The following THSD7B variants were observed in gnomAD, a reference collection of about 807,000 sequenced individuals.
The protein encoded by THSD7B is thrombospondin type-1 domain-containing protein 7B.
THSD7B carries 138 observed loss-of-function variants against 213.6 expected under a neutral mutation model. That is an observed-to-expected ratio of 0.65 (90% CI 0.56 to 0.74). The LOEUF (loss-of-function observed/expected upper bound fraction) is 0.74. Among genes scored for constraint, THSD7B ranks in the 30% least tolerant of loss-of-function variants. The pLI, the probability that THSD7B is intolerant of heterozygous loss-of-function variation, is 0.00. For synonymous variants in THSD7B, 742 were observed against 687.0 expected, an observed-to-expected ratio of 1.08 and a Z score of -1.25; for missense variants, 1,931 against 1,991.5, an observed-to-expected ratio of 0.97 and a Z score of 0.58.
chr2:137,157,742 A>G (rs1679937868), intron 5 of THSD7B, among the ~76,000 whole-genome samples: 1 of 152,190 alleles, frequency 6.6e-6, no homozygotes, highest in Non-Finnish European at 1.5e-5. Context: ...CAGTTTCCTT[A>G]TTTTAAAACT....
At chr2:137,565,073 CAG>C (rs1681207432) in intron 16 of THSD7B, among the ~76,000 whole-genome samples, 1 of 152,006 alleles carries the variant, frequency 6.6e-6, no homozygotes, top group African/African-American at 2.4e-5. Flanking sequence ...CATGTGAAGA[CAG>C]GGAGAAGATG....
intron 7 of THSD7B, among the ~76,000 whole-genome samples, chr2:137,211,862 A>G (rs897262884): frequency 7.9e-5 from 12 of 152,094 alleles, no homozygotes; most frequent in Non-Finnish European, 1.5e-4. Flanking sequence ...TAAGAATGCA[A>G]ATTAGCCTTT....
At chr2:137,026,908 T>C (rs918547194) in intron 2 of THSD7B, among the ~76,000 whole-genome samples, 1 of 152,202 alleles carries the variant, frequency 6.6e-6, no homozygotes, top group African/African-American at 2.4e-5. Context: ...CAGTTTTTCA[T>C]AATACATTGG....
chr2:137,108,966 T>G (rs189183993), intron 4 of THSD7B, among the ~76,000 whole-genome samples: 62 of 152,332 alleles, frequency 4.1e-4, no homozygotes, highest in Middle Eastern at 3.4e-3. Context: ...CAGGAAATTT[T>G]GCTGCTAATA....
At chr2:137,665,849 A>G (rs76262975) in intron 26 of THSD7B, among the ~76,000 whole-genome samples, 3,847 of 152,252 alleles carry the variant, frequency 0.025, 141 homozygotes, top group African/African-American at 0.086. Context: ...CTAATATGAA[A>G]ATATTTCCAA....
intron 12 of THSD7B, among the ~76,000 whole-genome samples, chr2:137,337,694 T>C (rs1684671347): frequency 6.6e-6 from 1 of 152,124 alleles, no homozygotes; most frequent in Admixed American, 6.5e-5. Context: ...CAAATAGTGA[T>C]TATCTAGTTT....
chr2:137,428,971 G>A (rs1347928519), intron 14 of THSD7B, among the ~76,000 whole-genome samples: 1 of 152,146 alleles, frequency 6.6e-6, no homozygotes, highest in African/African-American at 2.4e-5. Flanking sequence ...AAAAGTTACT[G>A]TATGAAGGAA....
chr2:137,290,414 G>A (rs11692465), intron 12 of THSD7B, among the ~76,000 whole-genome samples: 69,102 of 151,868 alleles, frequency 0.46, 15,806 homozygotes, highest in South Asian at 0.57. Context: ...CTGAGAGTCC[G>A]TAACTCTACT....
intron 7 of THSD7B, among the ~76,000 whole-genome samples, chr2:137,230,112 T>C (rs1259362911): frequency 1.3e-5 from 2 of 152,226 alleles, no homozygotes; most frequent in African/African-American, 2.4e-5. Flanking sequence ...GTTGAGTTAT[T>C]ATCTATAAAA....
intron 2 of THSD7B, among the ~76,000 whole-genome samples, chr2:136,991,115 A>G (rs1446453205): frequency 6.6e-6 from 1 of 152,210 alleles, no homozygotes; most frequent in Non-Finnish European, 1.5e-5. Flanking sequence ...CTCATCATAA[A>G]GTACTAGGCA....
intron 2 of THSD7B, among the ~76,000 whole-genome samples, chr2:137,044,324 G>A (rs1422893026): frequency 6.6e-6 from 1 of 152,112 alleles, no homozygotes; most frequent in African/African-American, 2.4e-5. Context: ...TTTAAAATTA[G>A]TCTCTTTGTA....
At chr2:137,264,182 T>C (rs1478819775) in intron 10 of THSD7B, among the ~76,000 whole-genome samples, 3 of 152,120 alleles carry the variant, frequency 2.0e-5, no homozygotes, top group Admixed American at 6.5e-5. Flanking sequence ...TAAAGGTGAA[T>C]AAACTTAGGC....
chr2:137,500,238 A>G (rs1332838686), intron 15 of THSD7B, among the ~76,000 whole-genome samples: 2 of 152,240 alleles, frequency 1.3e-5, no homozygotes, highest in Non-Finnish European at 2.9e-5. Context: ...CTGAGTGCAT[A>G]AGATTAAATG....
At chr2:137,474,699 A>C (rs1334878004) in intron 15 of THSD7B, among the ~76,000 whole-genome samples, 1 of 152,194 alleles carries the variant, frequency 6.6e-6, no homozygotes, top group African/African-American at 2.4e-5. Context: ...TAGGCATGGA[A>C]TCCAATAGTC....
intron 2 of THSD7B, among the ~76,000 whole-genome samples, chr2:137,001,267 T>C (rs1388786670): frequency 1.3e-5 from 2 of 152,146 alleles, no homozygotes; most frequent in Non-Finnish European, 2.9e-5. Context: ...TACTCTTGCA[T>C]ACAAGAAGCA....
intron 6 of THSD7B, among the ~76,000 whole-genome samples, chr2:137,164,581 A>G (rs1481028477): frequency 1.3e-5 from 2 of 152,198 alleles, no homozygotes; most frequent in African/African-American, 4.8e-5. Context: ...CCATGCACAC[A>G]TATGTTTGTT....
chr2:137,488,383 A>T (rs1251803700), intron 15 of THSD7B, among the ~76,000 whole-genome samples: 1 of 152,172 alleles, frequency 6.6e-6, no homozygotes, highest in Non-Finnish European at 1.5e-5. Context: ...TATATATTAC[A>T]TGTGTTATAT....
intron 14 of THSD7B, among the ~76,000 whole-genome samples, chr2:137,442,037 A>G (rs1052940571): frequency 1.3e-5 from 2 of 152,066 alleles, no homozygotes; most frequent in Admixed American, 6.6e-5. Context: ...CCCTCACAGC[A>G]TTATAAGAAA....
intron 2 of THSD7B, among the ~76,000 whole-genome samples, chr2:136,898,974 C>G (rs549901294): frequency 2.1e-4 from 32 of 152,204 alleles, no homozygotes; most frequent in African/African-American, 7.5e-4. Context: ...ATTGTTACCC[C>G]TTATGTCCAG....
Sources: gnomAD v4.1 joint callset for allele counts (sites outside exome capture counted in the v4.1 genomes callset) on GRCh38, gnomAD v4.1.1 for gene constraint, MANE v1.5 for transcripts, NCBI Gene and HGNC (gene_info 2026-07-23, HGNC 2026-07-21) for gene names.